RBFOX1: variants seen among roughly 807,000 people sequenced by gnomAD.
RBFOX1 encodes RNA binding protein fox-1 homolog 1.
RBFOX1 carries 8 observed loss-of-function variants against 57.7 expected under a neutral mutation model. That is an observed-to-expected ratio of 0.14 (90% CI 0.08 to 0.25). The LOEUF is 0.25. RBFOX1 is among the 10% of genes least tolerant of loss of function. The probability of loss-of-function intolerance (pLI) is 1.00; values close to 1 mark genes in which losing one functional copy is unlikely to be tolerated. For synonymous variants in RBFOX1, 326 were observed against 222.4 expected, an observed-to-expected ratio of 1.47 and a Z score of -4.15; for missense variants, 611 against 548.5, an observed-to-expected ratio of 1.11 and a Z score of -1.14.
intron 3 of RBFOX1, among the ~76,000 whole-genome samples, chr16:6,822,987 C>G (rs919761659): frequency 1.3e-5 from 2 of 152,222 alleles, no homozygotes; most frequent in African/African-American, 4.8e-5. Flanking sequence ...AACAGCTTCT[C>G]AACGTGTAGA....
At chr16:7,705,768 A>ATTTATGGCTGT (rs1168349291) in intron 14 of RBFOX1, among the ~76,000 whole-genome samples, 1 of 152,156 alleles carries the variant, frequency 6.6e-6, no homozygotes, top group Non-Finnish European at 1.5e-5. Context: ...ATGAGACAAG[A>ATTTATGGCTGT]TTTATGGCTG....
intron 1 of RBFOX1, among the ~76,000 whole-genome samples, chr16:5,444,053 A>G (rs2068166778): frequency 6.6e-6 from 1 of 151,982 alleles, no homozygotes; most frequent in Non-Finnish European, 1.5e-5. Flanking sequence ...TGGTTTTAGC[A>G]CTAATGAATT....
chr16:5,737,266 T>A (rs1315398829), intron 3 of RBFOX1, among the ~76,000 whole-genome samples: 1 of 152,022 alleles, frequency 6.6e-6, no homozygotes, highest in South Asian at 2.1e-4. Flanking sequence ...GGTGAATCAC[T>A]TGAGGTTAGG....
chr16:5,393,077 C>T (rs964233943), intron 1 of RBFOX1, among the ~76,000 whole-genome samples: 1 of 151,932 alleles, frequency 6.6e-6, no homozygotes, highest in African/African-American at 2.4e-5. Flanking sequence ...AGAAGAGTGG[C>T]GAGGGTGGGG....
intron 3 of RBFOX1, among the ~76,000 whole-genome samples, chr16:6,842,906 G>A (rs749421027): frequency 3.9e-5 from 6 of 152,068 alleles, no homozygotes; most frequent in Non-Finnish European, 5.9e-5. Flanking sequence ...CGACTTATGA[G>A]TGAGAACATG....
intron 4 of RBFOX1, among the ~76,000 whole-genome samples, chr16:7,510,918 T>C (rs1231099552): frequency 6.6e-6 from 1 of 152,160 alleles, no homozygotes; most frequent in East Asian, 1.9e-4. Context: ...GTCTTCATTA[T>C]AAGGGTTGAG....
At chr16:6,877,343 T>C (rs778701914) in intron 3 of RBFOX1, among the ~76,000 whole-genome samples, 12 of 152,210 alleles carry the variant, frequency 7.9e-5, no homozygotes, top group Non-Finnish European at 1.0e-4. Flanking sequence ...TTTACTTCCC[T>C]TTAGCAGAAC....
intron 3 of RBFOX1, among the ~76,000 whole-genome samples, chr16:6,973,889 TA>T (rs1359200944): frequency 3.3e-5 from 5 of 152,164 alleles, no homozygotes; most frequent in African/African-American, 1.2e-4. Context: ...ATCAACGTAT[TA>T]AGCCCAGCAT....
At chr16:6,814,780 A>G (rs1355124034) in intron 3 of RBFOX1, among the ~76,000 whole-genome samples, 1 of 152,110 alleles carries the variant, frequency 6.6e-6, no homozygotes, top group African/African-American at 2.4e-5. Context: ...TTGAGGTTGG[A>G]TAGAAGCAGC....
intron 1 of RBFOX1, among the ~76,000 whole-genome samples, chr16:5,286,916 G>T (rs1256785007): frequency 2.0e-5 from 3 of 152,182 alleles, no homozygotes; most frequent in Admixed American, 1.3e-4. Flanking sequence ...TGCCAACCCT[G>T]TTCAGACCAG....
chr16:5,954,740 C>T (rs13330260), intron 4 of RBFOX1, among the ~76,000 whole-genome samples: 22,105 of 152,018 alleles, frequency 0.15, 1,847 homozygotes, highest in African/African-American at 0.21. Flanking sequence ...TGCCACCCGG[C>T]ACTTGGCCAA....
chr16:7,104,817 G>C (rs115461187), intron 4 of RBFOX1, among the ~76,000 whole-genome samples: 39 of 152,184 alleles, frequency 2.6e-4, no homozygotes, highest in African/African-American at 7.7e-4. Context: ...ACACAAAGAG[G>C]CTCAGACAAA....
At position 6,798,491 on chromosome 16, in the gene RBFOX1, A is replaced by C. The variant is rs116182856; in HGVS notation, c.-16+143841A>C. On this transcript the variant is annotated intron_variant, in intron 3 of 15. Transcript: ENST00000550418. The stretch of plus-strand genomic sequence containing the variant: ...ATGGCAGGGAGCTGAAACATTGCCT[A>C]ATTCTGAACCAGACCCCTGATGCTT... 6.1e-3 allele frequency among the ~76,000 whole-genome samples: 928 copies of C among 152,240 alleles called. 20 individuals carry two copies. The highest frequency in any genetic ancestry group is 0.022 in the African/African-American group (899 of 41,522).
chr16:6,718,106 G>A (rs903562786), intron 3 of RBFOX1, among the ~76,000 whole-genome samples: 2 of 152,160 alleles, frequency 1.3e-5, no homozygotes, highest in Admixed American at 1.3e-4. Context: ...TACCCATCTG[G>A]TGGGTATTTT....
intron 7 of RBFOX1, among the ~76,000 whole-genome samples, chr16:7,592,763 A>T (rs1201819668): frequency 1.3e-5 from 2 of 152,212 alleles, no homozygotes. Context: ...AACTGAGTCA[A>T]AATCTATAGC....
At chr16:6,704,893 A>G (rs2062455509) in intron 3 of RBFOX1, 1 of 151,936 alleles carries the variant, frequency 6.6e-6, no homozygotes, top group African/African-American at 2.4e-5. Flanking sequence ...TTGCTCTTTT[A>G]GCTGTTTCTG....
chr16:7,399,638 C>T (rs1395767101), intron 4 of RBFOX1, among the ~76,000 whole-genome samples: 1 of 152,150 alleles, frequency 6.6e-6, no homozygotes, highest in Non-Finnish European at 1.5e-5. Flanking sequence ...CCTCCATCTT[C>T]ATATGGCATT....
chr16:6,390,439 G>A (rs1364825038), intron 2 of RBFOX1, among the ~76,000 whole-genome samples: 1 of 151,980 alleles, frequency 6.6e-6, no homozygotes, highest in East Asian at 1.9e-4. Flanking sequence ...TTTAAAAAAT[G>A]TTTTGGATGA....
intron 3 of RBFOX1, among the ~76,000 whole-genome samples, chr16:6,735,834 C>T (rs12446227): frequency 1 from 152,336 of 152,336 alleles, 76,168 homozygotes; most frequent in Non-Finnish European, 1. Flanking sequence ...ATCCTTGAGG[C>T]GGAGCATTGG....
Sources: allele counts gnomAD v4.1 joint callset (sites outside exome capture counted in the v4.1 genomes callset), GRCh38; gene constraint gnomAD v4.1.1; transcripts MANE v1.5; gene names NCBI Gene and HGNC (gene_info 2026-07-23, HGNC 2026-07-21).